The following PTPRD variants were observed in gnomAD, a reference collection of about 807,000 sequenced individuals.
PTPRD encodes protein tyrosine phosphatase receptor type D.
Under a neutral mutation model 214.5 loss-of-function variants are expected in PTPRD, and 34 were observed. The observed-to-expected ratio is 0.16, with a 90% CI of 0.12 to 0.21. The LOEUF is 0.21. Among genes scored for constraint, PTPRD ranks in the 10% least tolerant of loss-of-function variants. The probability of loss-of-function intolerance (pLI) is 1.00; values close to 1 mark genes in which losing one functional copy is unlikely to be tolerated. For synonymous variants in PTPRD, 1,128 were observed against 845.7 expected, an observed-to-expected ratio of 1.33 and a Z score of -5.79; for missense variants, 2,545 against 2,398.7, an observed-to-expected ratio of 1.06 and a Z score of -1.27.
chr9:8,783,854 TA>T (rs1566030704), intron 11 of PTPRD, among the ~76,000 whole-genome samples: 1 of 152,002 alleles, frequency 6.6e-6, no homozygotes, highest in Non-Finnish European at 1.5e-5. Flanking sequence ...AAAAGAAAAA[TA>T]AAAAACTTGA....
intron 4 of PTPRD, among the ~76,000 whole-genome samples, chr9:9,969,754 C>T (rs920964953): frequency 6.6e-6 from 1 of 152,192 alleles, no homozygotes; most frequent in Non-Finnish European, 1.5e-5. Context: ...CAATGCCCAT[C>T]AAATCTGTAA....
chr9:9,526,847 C>A (rs2074243657), intron 8 of PTPRD, among the ~76,000 whole-genome samples: 1 of 152,028 alleles, frequency 6.6e-6, no homozygotes, highest in Non-Finnish European at 1.5e-5. Context: ...ACTTATAATG[C>A]TTTATATACC....
intron 3 of PTPRD, among the ~76,000 whole-genome samples, chr9:10,123,422 T>C (rs537435517): frequency 1.6e-4 from 24 of 152,340 alleles, no homozygotes; most frequent in Admixed American, 1.1e-3. Context: ...TTACAAAAGA[T>C]AGTATTTGCT....
At chr9:10,269,277 G>A (rs914208128) in intron 3 of PTPRD, among the ~76,000 whole-genome samples, 5 of 152,204 alleles carry the variant, frequency 3.3e-5, no homozygotes, top group Non-Finnish European at 7.3e-5. Flanking sequence ...ATCCACGTAA[G>A]AGGACAAGCA....
chr9:9,101,951 T>G (rs969394442), intron 10 of PTPRD, among the ~76,000 whole-genome samples: 11 of 152,212 alleles, frequency 7.2e-5, no homozygotes, highest in African/African-American at 1.2e-4. Flanking sequence ...CTCTTGGCTA[T>G]ATTTGCATGG....
At chr9:9,730,007 TACATA>T (rs886355622) in intron 7 of PTPRD, among the ~76,000 whole-genome samples, 1 of 152,122 alleles carries the variant, frequency 6.6e-6, no homozygotes, top group Admixed American at 6.6e-5. Context: ...ACAATTTAAA[TACATA>T]ACATAACAAC....
chr9:9,533,548 T>C (rs911471486), intron 8 of PTPRD, among the ~76,000 whole-genome samples: 1 of 152,110 alleles, frequency 6.6e-6, no homozygotes, highest in African/African-American at 2.4e-5. Flanking sequence ...ATTTTTCAAA[T>C]GCATTATTCA....
At chr9:9,862,659 T>C (rs2063030681) in intron 5 of PTPRD, among the ~76,000 whole-genome samples, 2 of 146,874 alleles carry the variant, frequency 1.4e-5, no homozygotes, top group African/African-American at 2.5e-5. Context: ...TGTTGTGGTG[T>C]GTTGAGCTGA....
intron 10 of PTPRD, among the ~76,000 whole-genome samples, chr9:9,117,236 GT>G (rs201285079): frequency 0.014 from 1,378 of 95,194 alleles, 27 homozygotes; most frequent in African/African-American, 0.048. Context: ...TTTTTTTTTT[GT>G]ACTTTCAGGG....
chr9:9,463,090 G>T (rs1404459104), intron 8 of PTPRD, among the ~76,000 whole-genome samples: 1 of 150,964 alleles, frequency 6.6e-6, no homozygotes, highest in African/African-American at 2.5e-5. Flanking sequence ...AGACTAAATA[G>T]GAACAAAAGC....
intron 2 of PTPRD, among the ~76,000 whole-genome samples, chr9:10,443,604 G>A (rs540593429): frequency 3.0e-4 from 46 of 151,630 alleles, no homozygotes; most frequent in African/African-American, 1.1e-3. Context: ...ATTACTTGAT[G>A]CCTCATAGAT....
At chr9:9,706,018 A>G (rs1471020866) in intron 7 of PTPRD, among the ~76,000 whole-genome samples, 1 of 152,146 alleles carries the variant, frequency 6.6e-6, no homozygotes, top group Non-Finnish European at 1.5e-5. Context: ...TGGACATGAT[A>G]ATATCTTCTT....
intron 35 of PTPRD, among the ~76,000 whole-genome samples, chr9:8,433,058 C>A (rs2095159088): frequency 1.3e-5 from 2 of 152,208 alleles, no homozygotes; most frequent in Admixed American, 1.3e-4. Context: ...TCAATAGATG[C>A]AACTGAGATT....
intron 7 of PTPRD, among the ~76,000 whole-genome samples, chr9:9,630,479 G>A (rs1593526355): frequency 6.6e-6 from 1 of 152,140 alleles, no homozygotes; most frequent in African/African-American, 2.4e-5. Flanking sequence ...AGTGACGGAA[G>A]GGGAGGAAAG....
intron 12 of PTPRD, among the ~76,000 whole-genome samples, chr9:8,698,682 T>A (rs537664280): frequency 6.6e-6 from 1 of 152,236 alleles, no homozygotes; most frequent in South Asian, 2.1e-4. Context: ...CGCCTCATGG[T>A]GAAACTGCCT....
intron 2 of PTPRD, among the ~76,000 whole-genome samples, chr9:10,587,630 G>C (rs1036520165): frequency 1.4e-4 from 22 of 152,008 alleles, no homozygotes; most frequent in African/African-American, 5.1e-4. Flanking sequence ...CTGAGATTTG[G>C]AGAAGCCAAA....
At chr9:8,643,306 A>G (rs2096616589) in intron 12 of PTPRD, among the ~76,000 whole-genome samples, 1 of 151,926 alleles carries the variant, frequency 6.6e-6, no homozygotes, top group South Asian at 2.1e-4. Flanking sequence ...CTCCTATTTT[A>G]TAGATTTATA....
intron 42 of PTPRD, among the ~76,000 whole-genome samples, chr9:8,340,026 G>A (rs527559448): frequency 1.3e-5 from 2 of 152,060 alleles, no homozygotes; most frequent in African/African-American, 2.4e-5. Context: ...ACTCTAGCCT[G>A]TCCAGAACAA....
At chr9:9,608,242 T>G (rs71497147) in intron 7 of PTPRD, among the ~76,000 whole-genome samples, 16 of 152,320 alleles carry the variant, frequency 1.1e-4, no homozygotes, top group Admixed American at 9.2e-4. Context: ...ACTACTACTG[T>G]TATTGCTGTT....
Sources: allele counts gnomAD v4.1 joint callset (sites outside exome capture counted in the v4.1 genomes callset), GRCh38; gene constraint gnomAD v4.1.1; transcripts MANE v1.5; gene names NCBI Gene and HGNC (gene_info 2026-07-23, HGNC 2026-07-21).